GRM5: variants seen among roughly 807,000 people sequenced by gnomAD.
GRM5 encodes the protein metabotropic glutamate receptor 5.
In GRM5, 19 loss-of-function variants were observed where a neutral mutation model predicts 83.1. The observed-to-expected ratio is 0.23, with a 90% confidence interval of 0.16 to 0.34. GRM5 has a LOEUF of 0.34. Among genes scored for constraint, GRM5 ranks in the 10% least tolerant of loss-of-function variants. The pLI, the probability that GRM5 is intolerant of heterozygous loss-of-function variation, is 1.00. For synonymous variants in GRM5, 675 were observed against 633.6 expected (o/e 1.07, Z -0.98); for missense variants, 1,160 against 1,588.3 (o/e 0.73, Z 4.58).
chr11:88,532,090 G>A lies in GRM5; in HGVS notation c.2631-6686C>T, dbSNP rs565323942. ...TTCTCTAAGAAGTCTGTGAAAGCGAGTTGGAAAATGTTGCATATTTCACAT... is the reference window on the plus strand; with the variant it reads ...TTCTCTAAGAAGTCTGTGAAAGCGAATTGGAAAATGTTGCATATTTCACAT... On this transcript the variant is annotated intron_variant, in intron 8 of 9. Transcript: ENST00000305447. 8.5e-5 allele frequency among the ~76,000 whole-genome samples: 13 copies of A among 152,262 alleles called. No individual in the cohort carries two copies. In the East Asian group the frequency reaches 1.4e-3, roughly 16 times the overall value.
At position 88,741,917 on chromosome 11, in the gene GRM5, T is replaced by C. The variant is rs149736304; in HGVS notation, c.912-88514A>G. 6.4e-3 allele frequency among the ~76,000 whole-genome samples: 969 copies of C among 151,828 alleles called. 17 individuals carry two copies. The East Asian group carries it at 0.064, about 10-fold the overall frequency. ...AAGCAGCAACAGGAACATACACCTG[T>C]TTAATAAAAGCAAACACATTTAAAA... On this transcript the variant is annotated intron_variant, in intron 3 of 9. Transcript: ENST00000305447.
At chr11:88,777,899 C>T (rs1248036596) in intron 3 of GRM5, among the ~76,000 whole-genome samples, 1 of 152,162 alleles carries the variant, frequency 6.6e-6, no homozygotes, top group Non-Finnish European at 1.5e-5. Flanking sequence ...CCCAGTTAGG[C>T]TACACAGGGG....
intron 1 of GRM5, among the ~76,000 whole-genome samples, chr11:89,064,888 C>CTCTGTGTGTG (rs1218318990): frequency 1.6e-5 from 1 of 62,268 alleles, no homozygotes; most frequent in African/African-American, 6.9e-5. Context: ...CTCTCTCTCT[C>CTCTGTGTGTG]TGTGTGTGTG....
intron 2 of GRM5, 93 bp from the exon 3 acceptor site, chr11:88,850,248 G>A (rs1475412615): frequency 1.3e-6 from 1 of 769,158 alleles, no homozygotes; most frequent in African/African-American, 1.7e-5. Flanking sequence ...GAGCATGAAA[G>A]TCATTGGTAT....
chr11:88,604,684 C>T (rs754183944), intron 5 of GRM5, 34 bp downstream of exon 5: 1 of 1,555,318 alleles, frequency 6.4e-7, no homozygotes, highest in Admixed American at 1.7e-5. Flanking sequence ...GTTATTCAGT[C>T]TCTACTCTGC....
At chr11:88,643,569 G>C (rs184514331) in intron 4 of GRM5, among the ~76,000 whole-genome samples, 4,244 of 152,214 alleles carry the variant, frequency 0.028, 164 homozygotes, top group East Asian at 0.18. Context: ...TGTAACCATG[G>C]AATCCTTTTC....
At chr11:88,945,129 TACACAC>T (rs10587949) in intron 2 of GRM5, among the ~76,000 whole-genome samples, 2 of 149,018 alleles carry the variant, frequency 1.3e-5, no homozygotes, top group East Asian at 3.9e-4. Context: ...CACACACACA[TACACAC>T]ACACACACAC....
In GRM5 at chr11:88,506,921, T is replaced by C. The variant is rs1171389231; in HGVS notation, c.*1671A>G. 6.6e-6 allele frequency: 1 copy of C among 150,480 alleles called. No homozygotes were observed. Among genetic ancestry groups the C allele is most frequent in the East Asian group, 1.9e-4 (1 of 5,206 alleles). 9.3% of individuals were successfully genotyped at this position (150,480 alleles called of 1,614,324 possible). A position where few individuals can be genotyped will look rare whatever the true frequency, so the allele number is the denominator to read the frequency against. ...ATTATTCTCTCTGCCAAAATATACT[T>C]CTGCCTCACAGCACATATTTTTCAT... On this transcript the variant is annotated 3_prime_UTR_variant, in exon 10 of 10. Coordinates refer to ENST00000305447, the MANE Select transcript of GRM5 (RefSeq NM_001143831.3).
intron 4 of GRM5, among the ~76,000 whole-genome samples, chr11:88,632,149 C>T (rs79185820): frequency 0.018 from 2,666 of 152,186 alleles, 33 homozygotes; most frequent in East Asian, 0.064. Flanking sequence ...CCATCACTCC[C>T]CATTCCCATC....
chr11:89,036,131 C>T (rs1391492073), intron 2 of GRM5, among the ~76,000 whole-genome samples: 1 of 152,024 alleles, frequency 6.6e-6, no homozygotes, highest in African/African-American at 2.4e-5. Flanking sequence ...ATCTCCTACA[C>T]CCACTCACAT....
At chr11:88,900,229 T>G (rs1945293925) in intron 2 of GRM5, among the ~76,000 whole-genome samples, 1 of 152,144 alleles carries the variant, frequency 6.6e-6, no homozygotes, top group South Asian at 2.1e-4. Flanking sequence ...GATGTACTGG[T>G]AAATGTATAA....
intron 3 of GRM5, among the ~76,000 whole-genome samples, chr11:88,764,088 A>G (rs1207839633): frequency 6.6e-6 from 1 of 151,762 alleles, no homozygotes; most frequent in Non-Finnish European, 1.5e-5. Context: ...GTTAGAAAAA[A>G]GAGACTTTAA....
At chr11:89,056,408 A>C (rs2135165091) in intron 1 of GRM5, among the ~76,000 whole-genome samples, 1 of 152,276 alleles carries the variant, frequency 6.6e-6, no homozygotes. Flanking sequence ...AGATTCATTC[A>C]TTATTTTAAC....
chr11:88,633,359 T>C (rs1210151592), intron 4 of GRM5, among the ~76,000 whole-genome samples: 1 of 152,218 alleles, frequency 6.6e-6, no homozygotes, highest in Non-Finnish European at 1.5e-5. Context: ...TTAATTTTGA[T>C]GAAGTCCAAC....
At chr11:88,966,548 T>C (rs963563537) in intron 2 of GRM5, among the ~76,000 whole-genome samples, 1 of 152,066 alleles carries the variant, frequency 6.6e-6, no homozygotes, top group African/African-American at 2.4e-5. Context: ...CAAGGGAAAA[T>C]TGTGAGCAAC....
intron 6 of GRM5, among the ~76,000 whole-genome samples, chr11:88,596,809 C>T (rs1245903527): frequency 1.7e-4 from 26 of 151,950 alleles, no homozygotes; most frequent in Non-Finnish European, 1.5e-5. Context: ...GACAATAAAG[C>T]GTGTCTCATT....
intron 3 of GRM5, among the ~76,000 whole-genome samples, chr11:88,803,711 T>A (rs1943444004): frequency 6.6e-6 from 1 of 152,094 alleles, no homozygotes; most frequent in East Asian, 1.9e-4. Context: ...AAAGAGCTTC[T>A]ACACAGCAAA....
At chr11:88,766,590 A>G (rs1253906736) in intron 3 of GRM5, among the ~76,000 whole-genome samples, 1 of 152,054 alleles carries the variant, frequency 6.6e-6, no homozygotes, top group Non-Finnish European at 1.5e-5. Context: ...AAAATCCAAA[A>G]CTATAAAAAT....
At chr11:88,950,621 A>G (rs1938428312) in intron 2 of GRM5, among the ~76,000 whole-genome samples, 1 of 152,216 alleles carries the variant, frequency 6.6e-6, no homozygotes, top group South Asian at 2.1e-4. Context: ...TAGAATGGCA[A>G]AAAGAAGTGC....
Sources: gnomAD v4.1 joint callset for allele counts (sites outside exome capture counted in the v4.1 genomes callset) on GRCh38, gnomAD v4.1.1 for gene constraint, MANE v1.5 for transcripts, NCBI Gene and HGNC (gene_info 2026-07-23, HGNC 2026-07-21) for gene names.